Variants in RADX observed in about 807,000 individuals in gnomAD.
RADX encodes the protein RPA-related protein RADX.
In RADX, 36 loss-of-function variants were observed where a neutral mutation model predicts 61.6. That is an observed-to-expected ratio of 0.58 (90% confidence interval 0.45 to 0.77). The LOEUF (loss-of-function observed/expected upper bound fraction) is 0.77, where lower values mean the gene tolerates loss of function less well. Ranked by LOEUF, RADX falls within the 30% of genes least tolerant of loss-of-function variation. The pLI is 0.00. For synonymous variants in RADX, 272 were observed against 237.9 expected, an observed-to-expected ratio of 1.14 and a Z score of -1.32; for missense variants, 497 against 651.1, an observed-to-expected ratio of 0.76 and a Z score of 2.58.
chrX:106,676,269 G>A (rs993813399), intron 13 of RADX, among the ~76,000 whole-genome samples: 2 of 112,206 alleles, frequency 1.8e-5, no homozygotes, highest in African/African-American at 6.5e-5. Flanking sequence ...TCATTAATTA[G>A]ATCTTTTGAT....
chrX:106,666,933 A>C (rs768619018), intron 12 of RADX, among the ~76,000 whole-genome samples: 2 of 112,118 alleles, frequency 1.8e-5, no homozygotes, highest in South Asian at 7.4e-4. Flanking sequence ...ATTATTGAAA[A>C]ATTATAGGTA....
intron 3 of RADX, among the ~76,000 whole-genome samples, chrX:106,631,386 A>G (rs770540522): frequency 9.0e-6 from 1 of 111,174 alleles, no homozygotes; most frequent in Non-Finnish European, 1.9e-5. Context: ...GGATCACAAC[A>G]AATTGTCATA....
At chrX:106,637,676 G>T in intron 7 of RADX, 84 bp from the exon 8 acceptor site, 1 of 860,390 alleles carries the variant, frequency 1.2e-6, no homozygotes, top group Non-Finnish European at 1.6e-6. Flanking sequence ...ATAGTAAACT[G>T]TTTTTACACA....
intron 7 of RADX, 24 bp downstream of exon 7, chrX:106,636,671 T>TTCTA: frequency 1.1e-6 from 1 of 870,994 alleles, no homozygotes; most frequent in African/African-American, 2.0e-5. Flanking sequence ...TTGTGTATAT[T>TTCTA]ATTAGAAATA....
rs1229051354 is a variant in RADX, at chrX:106,661,936, G to A, written c.1979-79G>A. ...TACTTAAACTCTTCCTCATTAATGTGTGGTTTTTTTTTGCAGTGAATGACT... is the reference window on the plus strand; with the variant it reads ...TACTTAAACTCTTCCTCATTAATGTATGGTTTTTTTTTGCAGTGAATGACT... On this transcript the variant is annotated intron_variant, in intron 11 of 13. Coordinates refer to ENST00000372548, the MANE Select transcript of RADX (RefSeq NM_018015.6). 3.5e-6 allele frequency: 3 copies of A among 864,466 alleles called. No individual in the cohort carries two copies. In the African/African-American group the frequency reaches 6.1e-5, roughly 18 times the overall value. The allele number at this position is 864,466 out of a possible 1,213,427, so 71.2% of individuals were successfully genotyped here. A position where few individuals can be genotyped will look rare whatever the true frequency, so the allele number is the denominator to read the frequency against.
At chrX:106,654,775 C>T (rs987192134) in intron 11 of RADX, among the ~76,000 whole-genome samples, 6 of 111,637 alleles carry the variant, frequency 5.4e-5, no homozygotes, top group Non-Finnish European at 7.5e-5. Context: ...AACTAAAGAG[C>T]TTCTGCACAG....
intron 1 of RADX, among the ~76,000 whole-genome samples, chrX:106,619,964 A>G (rs150024105): frequency 1.2e-3 from 133 of 111,533 alleles, no homozygotes; most frequent in African/African-American, 4.2e-3. Context: ...TTCTTCTGCT[A>G]TGATTTTTAC....
At chrX:106,635,619 A>G (rs192187879) in intron 6 of RADX, among the ~76,000 whole-genome samples, 7 of 111,979 alleles carry the variant, frequency 6.3e-5, no homozygotes, top group Non-Finnish European at 1.3e-4. Flanking sequence ...GCATTGCTAC[A>G]GAATAAAGAA....
intron 3 of RADX, among the ~76,000 whole-genome samples, chrX:106,631,092 G>A (rs752304251): frequency 5.5e-4 from 61 of 111,684 alleles, no homozygotes; most frequent in African/African-American, 1.9e-3. Flanking sequence ...TGTAAGACCT[G>A]TGTGGAGATG....
chrX:106,632,518 G>C, intron 3 of RADX, 107 bp from the exon 4 acceptor site: 2 of 419,121 alleles, frequency 4.8e-6, no homozygotes. Context: ...TGAGTTTAGT[G>C]GTGGGTTCAA....
In RADX at chrX:106,678,151, G is replaced by A; in HGVS notation, c.2461G>A (p.Glu821Lys). 8.5e-7 allele frequency: 1 copy of A among 1,181,010 alleles called. No individual in the cohort carries two copies. The highest frequency in any genetic ancestry group is 3.0e-5 in the East Asian group (1 of 33,669). The stretch of plus-strand genomic sequence containing the variant: ...AGGTGATATTATAAAAGCAGCAACT[G>A]AACTGGATAGAGTGCATATCGTCGG... Reference protein sequence around the residue: ...VAGDIIKAATELDRVHIVGIL... With the variant: ...VAGDIIKAATKLDRVHIVGIL... Residue 821 changes from glutamate (E) to lysine (K), a missense_variant, in exon 14 of 14, where the codon GAA becomes AAA. By Grantham distance (56) the Glu-to-Lys change is moderately conservative (BLOSUM62 1). This residue lies in a region of RADX where 267 missense variants were observed against 306.9 expected (regional missense o/e 0.87). Coordinates refer to ENST00000372548, the MANE Select transcript of RADX (RefSeq NM_018015.6).
At position 106,617,367 on chromosome X, in the gene RADX, A is replaced by G. The variant is rs778060876; in HGVS notation, c.643+4644A>G. ...ATCTCTGAAAGTTCAGAAAAAGCTTATTTATTAGGTTTAAAGTTTATTATT... is the reference window on the plus strand; with the variant it reads ...ATCTCTGAAAGTTCAGAAAAAGCTTGTTTATTAGGTTTAAAGTTTATTATT... On this transcript the variant is annotated intron_variant, in intron 1 of 13. Coordinates refer to ENST00000372548, the MANE Select transcript of RADX (RefSeq NM_018015.6). Among the ~76,000 whole-genome samples the G allele has an allele frequency of 2.7e-5, 3 of 110,803 alleles. No homozygotes were observed. In the South Asian group the frequency reaches 1.1e-3, roughly 42 times the overall value.
At chrX:106,670,913 C>G (rs977560999) in intron 13 of RADX, among the ~76,000 whole-genome samples, 1 of 111,293 alleles carries the variant, frequency 9.0e-6, no homozygotes, top group African/African-American at 3.3e-5. Flanking sequence ...AATGCAGTGT[C>G]TCATGGTATA....
intron 13 of RADX, among the ~76,000 whole-genome samples, chrX:106,671,516 A>C (rs899946840): frequency 7.1e-5 from 8 of 111,935 alleles, no homozygotes; most frequent in African/African-American, 2.6e-4. Flanking sequence ...AAAAGACATA[A>C]TTTCATTCTT....
At chrX:106,620,346 T>TA (rs200656958) in intron 1 of RADX, among the ~76,000 whole-genome samples, 5,075 of 111,493 alleles carry the variant, frequency 0.046, 296 homozygotes, top group African/African-American at 0.16. Context: ...ATTGATCATT[T>TA]AAAAAATTCT....
chrX:106,618,236 GT>G (rs1048104607), intron 1 of RADX, among the ~76,000 whole-genome samples: 1 of 110,265 alleles, frequency 9.1e-6, no homozygotes, highest in Admixed American at 9.6e-5. Context: ...CAGTTTTGTC[GT>G]TTTTTTTAAT....
At chrX:106,617,936 A>G (rs1242361574) in intron 1 of RADX, among the ~76,000 whole-genome samples, 1 of 112,408 alleles carries the variant, frequency 8.9e-6, no homozygotes, top group Admixed American at 9.4e-5. Flanking sequence ...ATGCAGAAAA[A>G]AAGATTTGGA....
At chrX:106,652,818 A>G (rs1927828055) in intron 11 of RADX, among the ~76,000 whole-genome samples, 1 of 109,319 alleles carries the variant, frequency 9.1e-6, no homozygotes, top group African/African-American at 3.3e-5. Context: ...GACAAGCATG[A>G]CAGCAGATGT....
chrX:106,676,913 A>G (rs762505039), intron 13 of RADX, among the ~76,000 whole-genome samples: 6 of 111,423 alleles, frequency 5.4e-5, no homozygotes, highest in Non-Finnish European at 7.5e-5. Flanking sequence ...TCCCCGTTGT[A>G]CAAAGGAGTT....
Sources: allele counts gnomAD v4.1 joint callset (sites outside exome capture counted in the v4.1 genomes callset), GRCh38; gene constraint gnomAD v4.1.1; regional missense constraint gnomAD v4.1.1; transcripts MANE v1.5; gene names NCBI Gene and HGNC (gene_info 2026-07-23, HGNC 2026-07-21).